The following BTD variants were observed in gnomAD, a reference collection of about 807,000 sequenced individuals.
BTD encodes biocytinase.
BTD carries 13 observed loss-of-function variants against 17.7 expected under a neutral mutation model. That is an observed-to-expected ratio of 0.74 (90% CI 0.48 to 1.17). BTD has a LOEUF of 1.17. BTD is among the 50% of genes most tolerant of loss of function. The pLI, the probability that BTD is intolerant of heterozygous loss-of-function variation, is 0.00. For missense variants in BTD, 674 were observed against 650.4 expected (o/e 1.04, Z -0.39); for synonymous variants, 240 against 245.2 (o/e 0.98, Z 0.20).
chr3:15,620,622 AC>A (rs2064924048), intron 1 of BTD, among the ~76,000 whole-genome samples: 2 of 152,382 alleles, frequency 1.3e-5, no homozygotes, highest in African/African-American at 4.8e-5. Flanking sequence ...TCCTGAGGTG[AC>A]ATACATCTTC....
intron 3 of BTD, among the ~76,000 whole-genome samples, chr3:15,677,253 A>C (rs1437594893): frequency 6.6e-6 from 1 of 152,182 alleles, no homozygotes; most frequent in African/African-American, 2.4e-5. Flanking sequence ...AATTAAGATT[A>C]AGGAAAGAGG....
In BTD at chr3:15,650,449, A is replaced by G. The variant is rs1044743650; in HGVS notation, c.*4961A>G. ...CTTTTTGTTTGAGCAAAAAAAAAAA[A>G]GAATATATTAACTCGTAACTGGGGA... is the stretch of plus-strand genomic sequence containing the variant. On this transcript the variant is annotated 3_prime_UTR_variant, in exon 4 of 4. Coordinates refer to ENST00000643237, the MANE Select transcript of BTD (RefSeq NM_001370658.1). Among the ~76,000 whole-genome samples the G allele has an allele frequency of 6.7e-6, 1 of 150,318 alleles. No individual in the cohort carries two copies. The highest frequency in any genetic ancestry group is 2.5e-5 in the African/African-American group (1 of 40,462).
chr3:15,708,487 T>C (rs2071769787), intron 3 of BTD, among the ~76,000 whole-genome samples: 2 of 151,860 alleles, frequency 1.3e-5, no homozygotes, highest in Non-Finnish European at 1.5e-5. Flanking sequence ...GAGAAAAAAA[T>C]AGAAGAAACA....
chr3:15,722,015 G>A (rs991296423), exon 5 of BTD, among the ~76,000 whole-genome samples: 2 of 152,134 alleles, frequency 1.3e-5, no homozygotes, highest in African/African-American at 4.8e-5. Flanking sequence ...AAAGTGCTGC[G>A]ATTACAGGCG....
At chr3:15,633,627 G>A (rs549054333) in intron 1 of BTD, among the ~76,000 whole-genome samples, 1 of 152,280 alleles carries the variant, frequency 6.6e-6, no homozygotes, top group South Asian at 2.1e-4. Flanking sequence ...GCCACTCTTG[G>A]CCCCAGGCAC....
intron 2 of BTD, among the ~76,000 whole-genome samples, chr3:15,640,467 C>T (rs943751437): frequency 3.8e-4 from 58 of 151,840 alleles, no homozygotes; most frequent in African/African-American, 1.4e-3. Context: ...CTCAGCTCAC[C>T]GCAACCTCTG....
chr3:15,643,904 AAAG>A (rs1250372650), intron 3 of BTD, among the ~76,000 whole-genome samples: 5 of 149,940 alleles, frequency 3.3e-5, no homozygotes, highest in African/African-American at 1.2e-4. Context: ...AAAAAAAAAA[AAAG>A]AAAAGAAAGA....
At chr3:15,671,850 C>G (rs1273945395) in intron 3 of BTD, among the ~76,000 whole-genome samples, 1 of 151,948 alleles carries the variant, frequency 6.6e-6, no homozygotes, top group Non-Finnish European at 1.5e-5. Flanking sequence ...CTCCCAAATG[C>G]TGGGATTACA....
intron 3 of BTD, chr3:15,707,875 C>T: frequency 6.4e-7 from 1 of 1,570,922 alleles, no homozygotes; most frequent in South Asian, 1.2e-5. Flanking sequence ...ATGGAAGATG[C>T]CAGTTTATAG....
Position 15,645,488 on chromosome 3 carries a change from G to T in BTD, c.1572G>T (p.Ter524TyrextTer32), listed in dbSNP as rs1357585363. 1.2e-6 allele frequency: 2 copies of T among 1,604,484 alleles called. No homozygotes were observed. Among genetic ancestry groups the T allele is most frequent in the African/African-American group, 2.7e-5 (2 of 75,038 alleles). The change falls in exon 4 of 4, where the codon TAG (stop) becomes TAT (tyrosine). Residue 524 changes from the stop codon to tyrosine (Y), a stop_lost. Transcript: ENST00000643237. ...ALYGRLYERD[*>Y] is the part of the protein sequence containing the mutation. ...ATGGGCGCTTGTATGAGAGGGACTA[G>T]GAAAAGTGTGTGGTCTGTGGGGCGG...
chr3:15,710,075 T>C (rs2072032778), exon 4 of BTD, among the ~76,000 whole-genome samples: 2 of 151,070 alleles, frequency 1.3e-5, no homozygotes, highest in Non-Finnish European at 2.9e-5. Context: ...CACTCTATAG[T>C]TTAGGCTAGA....
At chr3:15,643,039 A>T (rs11714810) in intron 3 of BTD, among the ~76,000 whole-genome samples, 13,306 of 116,348 alleles carry the variant, frequency 0.11, 895 homozygotes, top group East Asian at 0.39. Context: ...AAAAAAAAAA[A>T]AAAAATAAAA....
intron 3 of BTD, among the ~76,000 whole-genome samples, chr3:15,706,465 A>T (rs1339263931): frequency 1.3e-5 from 2 of 152,176 alleles, no homozygotes; most frequent in African/African-American, 4.8e-5. Context: ...TATATGTGCC[A>T]CATTTTCTTA....
At chr3:15,713,994 G>C (rs2072668864), downstream of BTD, among the ~76,000 whole-genome samples, 1 of 152,138 alleles carries the variant, frequency 6.6e-6, no homozygotes. Context: ...TGCATGCAAT[G>C]CTTCAAAAAA....
chr3:15,632,619 C>G (rs1330247681), intron 1 of BTD: 1 of 152,290 alleles, frequency 6.6e-6, no homozygotes, highest in Non-Finnish European at 1.5e-5. Flanking sequence ...GATGGGTCAG[C>G]TGCTGTATTT....
chr3:15,720,460 C>T (rs1371761565), intron 4 of BTD, among the ~76,000 whole-genome samples: 2 of 152,178 alleles, frequency 1.3e-5, no homozygotes, highest in Non-Finnish European at 2.9e-5. Flanking sequence ...CTAAACACAA[C>T]ATTAACTAGG....
Position 15,645,493 on chromosome 3 carries a change from AGTGTGTG to A in BTD, c.*8_*14del. ...CGCTTGTATGAGAGGGACTAGGAAA[AGTGTGTG>A]GTCTGTGGGGCGGACTCTGGCCATC... On this transcript the variant is annotated 3_prime_UTR_variant, in exon 4 of 4. Transcript: ENST00000643237. 1 of 1,603,542 alleles carries A rather than the reference AGTGTGTG, an allele frequency of 6.2e-7. No homozygotes were observed. Among genetic ancestry groups the A allele is most frequent in the South Asian group, 1.1e-5 (1 of 91,062 alleles).
chr3:15,660,792 C>T (rs2065914007), intron 3 of BTD, among the ~76,000 whole-genome samples: 1 of 152,208 alleles, frequency 6.6e-6, no homozygotes. Flanking sequence ...TCCCTCATAT[C>T]CCCTGGCAAC....
chr3:15,627,623 G>A (rs1395809432), intron 1 of BTD, among the ~76,000 whole-genome samples: 2 of 152,142 alleles, frequency 1.3e-5, no homozygotes, highest in African/African-American at 4.8e-5. Context: ...CCAGCACTGT[G>A]GTTTACTTTA....
Sources: gnomAD v4.1 joint callset for allele counts (sites outside exome capture counted in the v4.1 genomes callset) on GRCh38, gnomAD v4.1.1 for gene constraint, MANE v1.5 for transcripts, NCBI Gene and HGNC (gene_info 2026-07-23, HGNC 2026-07-21) for gene names.